The following TRPV4 variants were observed in gnomAD, a reference collection of about 807,000 sequenced individuals.
The protein encoded by TRPV4 is transient receptor potential cation channel subfamily V member 4.
In TRPV4, 58 loss-of-function variants were observed where a neutral mutation model predicts 84.1. The observed-to-expected ratio is 0.69, with a 90% CI of 0.56 to 0.86. TRPV4 has a LOEUF of 0.86. TRPV4 is among the 40% of genes least tolerant of loss of function. The pLI, the probability that TRPV4 is intolerant of heterozygous loss-of-function variation, is 0.00. For missense variants in TRPV4, 879 were observed against 1,181.1 expected (o/e 0.74, Z 3.75); for synonymous variants, 489 against 500.9 (o/e 0.98, Z 0.32).
In TRPV4 at chr12:109,793,904, G is replaced by T. The variant is rs1381696604; in HGVS notation, c.1584+26C>A. 3 of 1,551,518 alleles carry T rather than the reference G, an allele frequency of 1.9e-6. No individual in the cohort carries two copies. The highest frequency in any genetic ancestry group is 4.5e-5 in the East Asian group (2 of 44,146). ...AAGAGAAGAGGAGGGCAGGCAGGGT[G>T]GGGGGCACGGGGGCCAGGCACTTAC... On this transcript the variant is annotated intron_variant, in intron 9 of 15. Coordinates refer to ENST00000261740, the MANE Select transcript of TRPV4 (RefSeq NM_021625.5). This position sits in a 1 kb window ranked among gnomAD's most constrained non-coding sequence, Gnocchi z 4.0.
At position 109,806,116 on chromosome 12, in the gene TRPV4, C is replaced by T. The variant is rs373509326; in HGVS notation, c.559+2180G>A. On this transcript the variant is annotated intron_variant, in intron 3 of 15. Transcript: ENST00000261740. The stretch of plus-strand genomic sequence containing the variant: ...AGAGAAGCCCCGTCCTCCCACAGCT[C>T]TAAACTTGTGCCTCCAAACGAGGCC... Among the ~76,000 whole-genome samples, 34 of 152,350 alleles carry T rather than the reference C, an allele frequency of 2.2e-4. No individual in the cohort carries two copies. In the East Asian group the frequency reaches 4.6e-3, roughly 21 times the overall value.
Position 109,783,878 on chromosome 12 carries a change from G to A in TRPV4, c.2459-100C>T, listed in dbSNP as rs1889511290. 1 of 1,392,200 alleles carries A rather than the reference G, an allele frequency of 7.2e-7. No homozygotes were observed. The highest frequency in any genetic ancestry group is 1.3e-5 in the South Asian group (1 of 79,544). 86.2% of individuals were successfully genotyped at this position (1,392,200 alleles called of 1,614,324 possible). On this transcript the variant is annotated intron_variant, in intron 15 of 15. Transcript: ENST00000261740. This position sits in a 1 kb window ranked among gnomAD's most constrained non-coding sequence, Gnocchi z 4.6. ...TGTACTGGGCACTCCACAGTGTTCT[G>A]AAGGGGGGATGTGACTATGCTCATT...
intron 2 of TRPV4, among the ~76,000 whole-genome samples, chr12:109,811,671 AG>A (rs1460140194): frequency 5.3e-5 from 8 of 150,796 alleles, no homozygotes; most frequent in African/African-American, 1.5e-4. Context: ...AAAAAAAAAA[AG>A]AAAAAGAGAC....
intron 14 of TRPV4, among the ~76,000 whole-genome samples, chr12:109,785,413 T>G (rs1451740481): frequency 1.3e-5 from 2 of 151,934 alleles, no homozygotes; most frequent in African/African-American, 4.8e-5. Flanking sequence ...TTATCCTATC[T>G]ATTCATTTTT....
chr12:109,794,412 A>G lies in TRPV4; in HGVS notation c.1408T>C (p.Ser470Pro), dbSNP rs767937727. ...RDKWRKFGAV[S>P]FYINVVSYLC... ...TAGGAGACCACGTTGATGTAGAAGGAGACGGCCCCGAACTTGCGCCACTTG... is the reference window on the plus strand; with the variant it reads ...TAGGAGACCACGTTGATGTAGAAGGGGACGGCCCCGAACTTGCGCCACTTG... Residue 470 changes from serine to proline, a missense_variant, in exon 8 of 16, where the codon TCC becomes CCC. Coordinates refer to ENST00000261740, the MANE Select transcript of TRPV4 (RefSeq NM_021625.5). The G allele has an allele frequency of 2.5e-6, 4 of 1,614,026 alleles. No homozygotes were observed. The highest frequency in any genetic ancestry group is 3.4e-6 in the Non-Finnish European group (4 of 1,180,020).
chr12:109,799,273 C>T (rs1009393758), intron 5 of TRPV4, among the ~76,000 whole-genome samples: 5 of 152,032 alleles, frequency 3.3e-5, no homozygotes, highest in East Asian at 3.9e-4. Flanking sequence ...GTGCCTCAGC[C>T]GAGTAGCTGG....
In TRPV4 at chr12:109,796,681, C is replaced by A; in HGVS notation, c.1176G>T (p.Arg392=). ...GCCGTGTGTCCTCATCCGTCACCTC[C>A]CGCCGGATGATGTGCTGAAAGATCT... ...KIGIFQHIIR[R]EVTDEDTRHL... Residue 392 remains arginine, a synonymous_variant, in exon 7 of 16, where the codon CGG becomes CGT. Transcript: ENST00000261740. This position sits in a 1 kb window ranked among gnomAD's most constrained non-coding sequence, Gnocchi z 4.2. 1 of 1,613,210 alleles carries A rather than the reference C, an allele frequency of 6.2e-7. No individual in the cohort carries two copies. The highest frequency in any genetic ancestry group is 8.5e-7 in the Non-Finnish European group (1 of 1,179,266).
At chr12:109,816,880 GAAGT>G (rs1200847837) in intron 1 of TRPV4, among the ~76,000 whole-genome samples, 1 of 152,234 alleles carries the variant, frequency 6.6e-6, no homozygotes, top group Non-Finnish European at 1.5e-5. Flanking sequence ...CGAAGAAAGA[GAAGT>G]TAGGAGGCCA....
At chr12:109,818,026 A>T (rs765246594) in intron 1 of TRPV4, among the ~76,000 whole-genome samples, 11 of 152,166 alleles carry the variant, frequency 7.2e-5, no homozygotes, top group Non-Finnish European at 1.5e-4. Flanking sequence ...CAGATGAGGA[A>T]ACTGAGGCTC....
chr12:109,791,388 AT>A (rs561512443), intron 12 of TRPV4, among the ~76,000 whole-genome samples: 2 of 152,028 alleles, frequency 1.3e-5, no homozygotes, highest in South Asian at 2.1e-4. Context: ...CACAAAAAAA[AT>A]AATAATAATA....
chr12:109,820,514 C>CTTTTTTTTTTTTTTTTTTTTTTTT lies in TRPV4; in HGVS notation c.-31-5688_-31-5687insAAAAAAAAAAAAAAAAAAAAAAAA, dbSNP rs1186445597. On this transcript the variant is annotated intron_variant, in intron 1 of 15. Coordinates refer to ENST00000261740, the MANE Select transcript of TRPV4 (RefSeq NM_021625.5). Reference sequence around the variant, plus strand: ...CTGATCTTCACTTTCTTCAGCTGCCCTATTTTTTTTTTTTTTTTTTTTTTT... The same window carrying CTTTTTTTTTTTTTTTTTTTTTTTT: ...CTGATCTTCACTTTCTTCAGCTGCCCTTTTTTTTTTTTTTTTTTTTTTTTTATTTTTTTTTTTTTTTTTTTTTTT... Among the ~76,000 whole-genome samples the CTTTTTTTTTTTTTTTTTTTTTTTT allele has an allele frequency of 5.7e-5, 7 of 123,078 alleles. 1 individual carries two copies. Among genetic ancestry groups the CTTTTTTTTTTTTTTTTTTTTTTTT allele is most frequent in the African/African-American group, 1.2e-4 (4 of 32,520 alleles). 80.7% of individuals were successfully genotyped at this position (123,078 alleles called of 152,430 possible).
chr12:109,793,505 C>G lies in TRPV4; in HGVS notation c.1658+22G>C, dbSNP rs371623092. The G allele has an allele frequency of 3.8e-5, 61 of 1,607,602 alleles. No individual in the cohort carries two copies. Among genetic ancestry groups the G allele is most frequent in the Non-Finnish European group, 5.2e-5 (61 of 1,174,260 alleles). On this transcript the variant is annotated intron_variant, in intron 10 of 15. Coordinates refer to ENST00000261740, the MANE Select transcript of TRPV4 (RefSeq NM_021625.5). The surrounding 1 kb of genome is among the most constrained non-coding windows in gnomAD (Gnocchi z 4.0). ...CCCACCTTCCTCACCCAGAAGCTGC[C>G]GGCCCAGGGACCTCTACTCACTAGA... is the stretch of plus-strand genomic sequence containing the variant.
chr12:109,828,377 C>T (rs1892324395), intron 1 of TRPV4, among the ~76,000 whole-genome samples: 1 of 152,114 alleles, frequency 6.6e-6, no homozygotes, highest in South Asian at 2.1e-4. Flanking sequence ...CAGGAAGGGG[C>T]TAGGGGTGGG....
rs1438782859 is a variant in TRPV4 at position 109,798,626 on chromosome 12, CGTCTTGGCA to C, written c.1131_1139del (p.Ala378_Thr380del). The stretch of plus-strand genomic sequence containing the variant: ...GCCGCACACTCACCCCAATCTTGCC[CGTCTTGGCA>C]GCCATCATGAGGGGCGAGAGGCCGT... On this transcript the variant is annotated inframe_deletion, in exon 6 of 16. Coordinates refer to ENST00000261740, the MANE Select transcript of TRPV4 (RefSeq NM_021625.5). The surrounding 1 kb of genome is among the most constrained non-coding windows in gnomAD (Gnocchi z 5.0). 6 of 1,611,920 alleles carry C rather than the reference CGTCTTGGCA, an allele frequency of 3.7e-6. No homozygotes were observed. In the African/African-American group the frequency reaches 8.0e-5, roughly 22 times the overall value.
intron 1 of TRPV4, among the ~76,000 whole-genome samples, chr12:109,820,540 T>C (rs1056739867): frequency 1.4e-5 from 2 of 147,438 alleles, no homozygotes; most frequent in Non-Finnish European, 3.0e-5. Flanking sequence ...TTTTTTTTTT[T>C]TGAGACGGAG....
At chr12:109,785,874 A>C (rs2136426752) in intron 14 of TRPV4, among the ~76,000 whole-genome samples, 1 of 152,138 alleles carries the variant, frequency 6.6e-6, no homozygotes, top group South Asian at 2.1e-4. Flanking sequence ...TCTCTACAAA[A>C]AAATTAAAAA....
chr12:109,809,837 AC>A (rs1891412155), intron 2 of TRPV4, among the ~76,000 whole-genome samples: 1 of 152,206 alleles, frequency 6.6e-6, no homozygotes, highest in Non-Finnish European at 1.5e-5. Flanking sequence ...TCCATAACTA[AC>A]CCATTAATTT....
At chr12:109,820,514 CTATTTTTTTT>C (rs1364156629) in intron 1 of TRPV4, among the ~76,000 whole-genome samples, 2 of 123,078 alleles carry the variant, frequency 1.6e-5, no homozygotes, top group Admixed American at 9.3e-5. Context: ...TTCAGCTGCC[CTATTTTTTTT>C]TTTTTTTTTT....
intron 14 of TRPV4, among the ~76,000 whole-genome samples, chr12:109,785,522 G>C (rs1052536487): frequency 6.6e-6 from 1 of 151,852 alleles, no homozygotes; most frequent in African/African-American, 2.4e-5. Context: ...AGGTTCAAGC[G>C]ATTCTCCTGC....
Sources: gnomAD v4.1 joint callset for allele counts (sites outside exome capture counted in the v4.1 genomes callset) on GRCh38, gnomAD v4.1.1 for gene constraint, Gnocchi (gnomAD v3.1) non-coding constraint, MANE v1.5 for transcripts, NCBI Gene and HGNC (gene_info 2026-07-23, HGNC 2026-07-21) for gene names.